FRMD8: variants seen among roughly 807,000 people sequenced by gnomAD.
FRMD8 encodes the protein FERM domain-containing protein 8.
FRMD8 carries 37 observed loss-of-function variants against 54.2 expected under a neutral mutation model. The observed-to-expected ratio is 0.68, with a 90% CI of 0.53 to 0.90. FRMD8 has a LOEUF of 0.90. Ranked by LOEUF, FRMD8 falls within the 40% of genes least tolerant of loss-of-function variation. The pLI is 0.00. For missense variants in FRMD8, 585 were observed against 653.7 expected (o/e 0.89, Z 1.15); for synonymous variants, 246 against 286.9 (o/e 0.86, Z 1.44).
chr11:65,401,824 CTTTTTTT>C (rs61275056), intron 9 of FRMD8, among the ~76,000 whole-genome samples: 3 of 119,762 alleles, frequency 2.5e-5, no homozygotes, highest in African/African-American at 6.4e-5. Context: ...TCACAATTTT[CTTTTTTT>C]TTTTTTTTTT....
the FRMD8 span, chr11:65,380,375 G>A: frequency 2.2e-6 from 2 of 927,026 alleles, no homozygotes; most frequent in Non-Finnish European, 3.2e-6. Flanking sequence ...GGCCAGGAAG[G>A]CACTGGGACA....
chr11:65,381,799 C>T (rs1855573654), upstream of FRMD8: 1 of 1,324,604 alleles, frequency 7.5e-7, no homozygotes, highest in African/African-American at 1.4e-5. Flanking sequence ...CTCAAGTGAT[C>T]CTCCCGCCAG....
In FRMD8 at chr11:65,404,886, T is replaced by C. The variant is rs988928486; in HGVS notation, c.1094T>C (p.Ile365Thr). Residue 365 changes from isoleucine to threonine, a missense_variant, in exon 10 of 11, where the codon ATT becomes ACT. Transcript: ENST00000317568. This position sits in a 1 kb window ranked among gnomAD's most constrained non-coding sequence, Gnocchi z 4.7. ...SKQAELMSSL[I>T]EYCIELSQAA... ...CAGGCCGAACTGATGAGCAGTCTCA[T>C]TGAGTACTGCATCGAACTGAGCCAG... The C allele has an allele frequency of 1.9e-6, 3 of 1,613,110 alleles. No individual in the cohort carries two copies. The highest frequency in any genetic ancestry group is 2.5e-6 in the Non-Finnish European group (3 of 1,179,942).
At chr11:65,379,741 C>T in the FRMD8 span, 7 of 1,361,582 alleles carry the variant, frequency 5.1e-6, no homozygotes, top group Non-Finnish European at 7.1e-6. Context: ...ACCCAGGCCC[C>T]CCAAGGATCC....
At chr11:65,380,173 C>T in the FRMD8 span, 10 of 1,614,070 alleles carry the variant, frequency 6.2e-6, no homozygotes, top group Middle Eastern at 1.6e-4. Context: ...AAGCCCAGAG[C>T]GCCTGTGGTG....
chr11:65,379,691 G>A, the FRMD8 span: 3 of 1,256,706 alleles, frequency 2.4e-6, no homozygotes, highest in Non-Finnish European at 3.3e-6. Context: ...GGGACAGGCA[G>A]GGATGGGCTG....
the FRMD8 span, among the ~76,000 whole-genome samples, chr11:65,373,609 CAG>C: frequency 6.6e-6 from 1 of 152,104 alleles, no homozygotes; most frequent in Non-Finnish European, 1.5e-5. Flanking sequence ...TTATTTGAGA[CAG>C]AGTCTTGCTC....
intron 9 of FRMD8, among the ~76,000 whole-genome samples, chr11:65,403,633 A>T (rs1856128105): frequency 6.6e-6 from 1 of 152,088 alleles, no homozygotes; most frequent in Non-Finnish European, 1.5e-5. Context: ...GGCGTCCCTG[A>T]CGCACCTGGC....
At chr11:65,410,324 C>T (rs1413787939) in intron 10 of FRMD8, among the ~76,000 whole-genome samples, 2 of 151,600 alleles carry the variant, frequency 1.3e-5, no homozygotes, top group Non-Finnish European at 2.9e-5. Flanking sequence ...GGTGAAACCC[C>T]GTCTCTACTA....
rs1489452639 is a variant in FRMD8 at position 65,413,334 on chromosome 11, G to C, written c.*1974G>C. On this transcript the variant is annotated 3_prime_UTR_variant, in exon 11 of 11. Coordinates refer to ENST00000317568, the MANE Select transcript of FRMD8 (RefSeq NM_031904.5). ...GATGGGCGGGCGAGGGTGTGTTCGT[G>C]TGATGGGTTGGAGTGTGTGTGTCTG... 6.6e-6 allele frequency: 1 copy of C among 152,242 alleles called. No individual in the cohort carries two copies. Among genetic ancestry groups the C allele is most frequent in the Non-Finnish European group, 1.5e-5 (1 of 68,070 alleles). The allele number at this position is 152,242 out of a possible 1,614,324, so 9.4% of individuals were successfully genotyped here.
chr11:65,411,050 C>T (rs967091485), intron 10 of FRMD8, among the ~76,000 whole-genome samples, 192 bp from the exon 11 acceptor site: 2 of 152,158 alleles, frequency 1.3e-5, no homozygotes, highest in Admixed American at 6.5e-5. Flanking sequence ...CTTAGGTCGG[C>T]AGTGTTAGGG....
upstream of FRMD8, among the ~76,000 whole-genome samples, chr11:65,386,444 A>G (rs1287900750): frequency 1.3e-5 from 2 of 152,084 alleles, no homozygotes; most frequent in African/African-American, 4.8e-5. Context: ...GTGAAGGGAA[A>G]CTCGCTCTGG....
rs1590654635 is a variant in FRMD8, at chr11:65,398,925, G to A, written c.804-811G>A. On this transcript the variant is annotated intron_variant, in intron 7 of 10. Transcript: ENST00000317568. ...GGGCTCTGGCTCAGTGGGTGGTGAG[G>A]GCAAGGGTGAGCCTGAGGGACAGGA... Among the ~76,000 whole-genome samples the A allele has an allele frequency of 2.0e-5, 3 of 152,166 alleles. No individual in the cohort carries two copies. In the East Asian group the frequency reaches 5.8e-4, roughly 29 times the overall value.
rs1034624381 is a variant in FRMD8 at position 65,399,764 on chromosome 11, A to G, written c.832A>G (p.Lys278Glu). The change falls in exon 8 of 11, where the codon AAG (lysine) becomes GAG (glutamate). Residue 278 changes from lysine to glutamate, a missense_variant. Lys to Glu is a moderately conservative substitution (Grantham distance 56). Transcript: ENST00000317568. ...GCAFFHGEVD[K>E]PAQGFLHRGG... ...TGCCTTCTTCCACGGTGAGGTTGAC[A>G]AGCCGGCCCAAGGCTTTTTGCACCG... The G allele has an allele frequency of 7.4e-6, 12 of 1,613,976 alleles. No individual in the cohort carries two copies. Among genetic ancestry groups the G allele is most frequent in the Non-Finnish European group, 1.0e-5 (12 of 1,179,982 alleles).
chr11:65,385,846 G>A (rs1373095434), upstream of FRMD8, among the ~76,000 whole-genome samples: 1 of 151,798 alleles, frequency 6.6e-6, no homozygotes, highest in Non-Finnish European at 1.5e-5. Context: ...CCAGGCTAGA[G>A]TGCAGTGGTG....
chr11:65,389,395 G>A lies in FRMD8; in HGVS notation c.120G>A (p.Thr40=), dbSNP rs76814425. The change falls in exon 3 of 11, where the codon ACG becomes ACA. Residue 40 remains threonine, a synonymous_variant. Transcript: ENST00000317568. ...ADVLVYLADD[T]VVPLAVENLP... ...TGCTGGTATACCTAGCGGATGACAC[G>A]GTGGTGCCCCTGGCTGTGGAGAACC... 5.6e-3 allele frequency: 9,066 copies of A among 1,610,720 alleles called. 494 individuals carry two copies. The African/African-American group carries it at 0.11, about 19-fold the overall frequency.
At position 65,396,829 on chromosome 11, in the gene FRMD8, C is replaced by G. The variant is rs777028796; in HGVS notation, c.612C>G (p.His204Gln). The G allele has an allele frequency of 2.6e-6, 4 of 1,559,502 alleles. No individual in the cohort carries two copies. The highest frequency in any genetic ancestry group is 3.8e-5 in the Admixed American group (2 of 53,122). The stretch of plus-strand genomic sequence containing the variant: ...AGCTGGACTCCTTCCTCCCTGCCCA[C>G]CTCTGTAAGCGGGGCCAGAGTCTCT... ...REKLDSFLPA[H>Q]LCKRGQSLFA... The change falls in exon 7 of 11, where the codon CAC (histidine) becomes CAG (glutamine). Residue 204 changes from histidine (H) to glutamine (Q), a missense_variant. Physicochemically the swap from His to Gln is conservative, Grantham distance 24. Transcript: ENST00000317568.
At chr11:65,391,134 G>A (rs78744384) in intron 3 of FRMD8, among the ~76,000 whole-genome samples, 32 of 152,394 alleles carry the variant, frequency 2.1e-4, no homozygotes, top group African/African-American at 7.7e-4. Context: ...CCTTCATGCC[G>A]GATGTTTTGG....
At position 65,405,064 on chromosome 11, in the gene FRMD8, G is replaced by A. The variant is rs1221180591; in HGVS notation, c.1272G>A (p.Glu424=). 5.6e-6 allele frequency: 9 copies of A among 1,613,320 alleles called. No homozygotes were observed. The highest frequency in any genetic ancestry group is 2.2e-5 in the East Asian group (1 of 44,904). Residue 424 remains glutamate, a synonymous_variant, in exon 10 of 11, where the codon GAG becomes GAA. Coordinates refer to ENST00000317568, the MANE Select transcript of FRMD8 (RefSeq NM_031904.5). ...ATCTCTCCACCATCGACTACGTGGA[G>A]GACGGTGAGCAGCCCTTCTGTGCAT... ...IQHLSTIDYV[E]DGKGIRRVKP...
Sources: gnomAD v4.1 joint callset for allele counts (sites outside exome capture counted in the v4.1 genomes callset) on GRCh38, gnomAD v4.1.1 for gene constraint, Gnocchi (gnomAD v3.1) non-coding constraint, MANE v1.5 for transcripts, NCBI Gene and HGNC (gene_info 2026-07-23, HGNC 2026-07-21) for gene names.